The following GRIP1 variants were observed in gnomAD, a reference collection of about 807,000 sequenced individuals.
GRIP1 encodes the protein glutamate receptor-interacting protein 1.
GRIP1 carries 45 observed loss-of-function variants against 129.9 expected under a neutral mutation model. The ratio of observed to expected loss-of-function variants is 0.35; its 90% confidence interval spans 0.27 to 0.44. The LOEUF (loss-of-function observed/expected upper bound fraction) is 0.44. Among genes scored for constraint, GRIP1 ranks in the 20% least tolerant of loss-of-function variants. GRIP1 has a pLI of 1.00. For missense variants in GRIP1, 1,196 were observed against 1,396.8 expected, an observed-to-expected ratio of 0.86 and a Z score of 2.29; for synonymous variants, 530 against 520.8, an observed-to-expected ratio of 1.02 and a Z score of -0.24.
chr12:67,053,136 G>C (rs2043375209), intron 1 of GRIP1, among the ~76,000 whole-genome samples: 1 of 152,164 alleles, frequency 6.6e-6, no homozygotes. Context: ...AGGTTAAATA[G>C]TCTGCAGGAG....
intron 2 of GRIP1, among the ~76,000 whole-genome samples, chr12:66,558,810 T>C (rs1391593679): frequency 4.6e-5 from 7 of 151,724 alleles, no homozygotes; most frequent in Admixed American, 4.6e-4. Context: ...AAGGAGAGAA[T>C]ACTTCAGAAC....
intron 5 of GRIP1, among the ~76,000 whole-genome samples, chr12:66,527,446 T>C (rs2061288352): frequency 6.6e-6 from 1 of 151,920 alleles, no homozygotes; most frequent in Non-Finnish European, 1.5e-5. Context: ...AAACACTGCA[T>C]GTTCTCACTC....
chr12:66,868,854 G>A (rs10506508), intron 1 of GRIP1, among the ~76,000 whole-genome samples: 12,843 of 152,070 alleles, frequency 0.084, 591 homozygotes, highest in Admixed American at 0.11. Flanking sequence ...AGGAACTTTA[G>A]GATAAAACAG....
intron 1 of GRIP1, among the ~76,000 whole-genome samples, chr12:66,763,304 T>C (rs2037529518): frequency 6.6e-6 from 1 of 152,140 alleles, no homozygotes; most frequent in Admixed American, 6.5e-5. Context: ...CCATTCTTTC[T>C]TCCAAGCTTC....
intron 2 of GRIP1, among the ~76,000 whole-genome samples, chr12:66,544,537 CT>C (rs1388829931): frequency 6.6e-6 from 1 of 152,146 alleles, no homozygotes; most frequent in African/African-American, 2.4e-5. Flanking sequence ...ACAATTTTGT[CT>C]TCTAGCCAAT....
chr12:66,707,553 T>C (rs1250062914), intron 1 of GRIP1, among the ~76,000 whole-genome samples: 1 of 150,876 alleles, frequency 6.6e-6, no homozygotes, highest in Non-Finnish European at 1.5e-5. Flanking sequence ...TGCTGGGCTA[T>C]TTAGAGACGC....
intron 7 of GRIP1, among the ~76,000 whole-genome samples, chr12:66,498,623 A>G (rs1354640532): frequency 6.6e-6 from 1 of 152,198 alleles, no homozygotes; most frequent in Non-Finnish European, 1.5e-5. Context: ...AAAAATTACT[A>G]TTACTATAAT....
chr12:66,794,374 G>A (rs2038636060), intron 1 of GRIP1, among the ~76,000 whole-genome samples: 2 of 152,146 alleles, frequency 1.3e-5, no homozygotes, highest in Non-Finnish European at 2.9e-5. Context: ...ACAAAGATGA[G>A]GATATGGCAC....
intron 2 of GRIP1, among the ~76,000 whole-genome samples, chr12:66,577,380 T>G (rs1235159638): frequency 6.6e-6 from 1 of 152,212 alleles, no homozygotes; most frequent in Non-Finnish European, 1.5e-5. Flanking sequence ...AGAAATTAGA[T>G]GTGGAGTTTC....
Position 66,348,914 on chromosome 12 carries a change from A to G in GRIP1, c.*105T>C, listed in dbSNP as rs2054096320. The G allele has an allele frequency of 7.1e-6, 6 of 846,114 alleles. No individual in the cohort carries two copies. The East Asian group carries it at 1.4e-4, about 20-fold the overall frequency. The allele number at this position is 846,114 out of a possible 1,614,324, so 52.4% of individuals were successfully genotyped here. ...TAAAAGACCCCTGTGCTTGCAGTTAATGCCACGTTGATTGATTATCTGTGC... is the reference window on the plus strand; with the variant it reads ...TAAAAGACCCCTGTGCTTGCAGTTAGTGCCACGTTGATTGATTATCTGTGC... On this transcript the variant is annotated 3_prime_UTR_variant, in exon 25 of 25. Transcript: ENST00000359742.
intron 1 of GRIP1, among the ~76,000 whole-genome samples, chr12:66,979,517 G>A (rs929019210): frequency 6.6e-6 from 1 of 151,998 alleles, no homozygotes; most frequent in African/African-American, 2.4e-5. Flanking sequence ...AAGCCTCAGG[G>A]TTTTGTTGTT....
intron 1 of GRIP1, among the ~76,000 whole-genome samples, chr12:66,799,291 C>T (rs564494987): frequency 6.6e-5 from 10 of 152,202 alleles, no homozygotes; most frequent in African/African-American, 2.4e-4. Context: ...AGATGGAAAG[C>T]AATTCTTAGG....
intron 1 of GRIP1, among the ~76,000 whole-genome samples, chr12:66,673,870 CA>C (rs1334921254): frequency 6.6e-6 from 1 of 152,108 alleles, no homozygotes; most frequent in Non-Finnish European, 1.5e-5. Context: ...TCCAATAAAA[CA>C]AGACAGACTT....
At chr12:66,913,846 T>TA (rs1431241848) in intron 1 of GRIP1, among the ~76,000 whole-genome samples, 2 of 152,198 alleles carry the variant, frequency 1.3e-5, no homozygotes, top group Non-Finnish European at 2.9e-5. Context: ...TCATATCATT[T>TA]AATGTTAAAA....
intron 1 of GRIP1, among the ~76,000 whole-genome samples, chr12:66,665,654 G>A (rs1434986254): frequency 6.6e-6 from 1 of 152,116 alleles, no homozygotes; most frequent in Non-Finnish European, 1.5e-5. Context: ...ATTACCACAT[G>A]TATTTATGCA....
At chr12:66,629,181 G>A (rs2030449298) in intron 1 of GRIP1, among the ~76,000 whole-genome samples, 1 of 152,164 alleles carries the variant, frequency 6.6e-6, no homozygotes, top group African/African-American at 2.4e-5. Flanking sequence ...TGTAATTGAG[G>A]AGGCTCTATT....
chr12:66,353,356 T>A, intron 24 of GRIP1, 61 bp downstream of exon 24: 1 of 1,171,348 alleles, frequency 8.5e-7, no homozygotes, highest in Non-Finnish European at 1.3e-6. Context: ...CAGGAGGATG[T>A]GGAGGAAGCT....
intron 4 of GRIP1, among the ~76,000 whole-genome samples, chr12:66,538,746 G>T (rs2061681391): frequency 6.6e-6 from 1 of 151,420 alleles, no homozygotes; most frequent in Non-Finnish European, 1.5e-5. Context: ...GGGACTACAG[G>T]TGTGCACCAC....
At chr12:66,658,531 A>T (rs2033303243) in intron 1 of GRIP1, among the ~76,000 whole-genome samples, 1 of 151,928 alleles carries the variant, frequency 6.6e-6, no homozygotes, top group Non-Finnish European at 1.5e-5. Flanking sequence ...TAGTGAGCCA[A>T]GATCGTGCCA....
Sources: allele counts gnomAD v4.1 joint callset (sites outside exome capture counted in the v4.1 genomes callset), GRCh38; gene constraint gnomAD v4.1.1; transcripts MANE v1.5; gene names NCBI Gene and HGNC (gene_info 2026-07-23, HGNC 2026-07-21).